Variants in CNTNAP2 observed in about 807,000 individuals in gnomAD.
CNTNAP2 encodes contactin-associated protein-like 2.
In CNTNAP2, 98 loss-of-function variants were observed where a neutral mutation model predicts 155.2. The observed-to-expected ratio is 0.63, with a 90% CI of 0.54 to 0.75. CNTNAP2 has a LOEUF of 0.75. Ranked by LOEUF, CNTNAP2 falls within the 30% of genes least tolerant of loss-of-function variation. The pLI, the probability that CNTNAP2 is intolerant of heterozygous loss-of-function variation, is 0.00. For missense variants in CNTNAP2, 1,727 were observed against 1,688.1 expected, an observed-to-expected ratio of 1.02 and a Z score of -0.40; for synonymous variants, 651 against 631.2, an observed-to-expected ratio of 1.03 and a Z score of -0.47.
chr7:146,596,595 C>CAGAGAGAGAGAGAGAGAG lies in CNTNAP2; in HGVS notation c.98-177648_98-177631dup, dbSNP rs368697909. On this transcript the variant is annotated intron_variant, in intron 1 of 23. Transcript: ENST00000361727. ...AAGAAAGAGAGAGATAGAAGGGAGA[C>CAGAGAGAGAGAGAGAGAG]AGAGAGAGAGAGAGAGAGAGAGAGA... Among the ~76,000 whole-genome samples, 52 of 105,070 alleles carry CAGAGAGAGAGAGAGAGAG rather than the reference C, an allele frequency of 4.9e-4. 1 individual carries two copies. The highest frequency in any genetic ancestry group is 7.5e-4 in the Non-Finnish European group (38 of 50,930). The allele number at this position is 105,070 out of a possible 152,430, so 68.9% of individuals were successfully genotyped here. A position where few individuals can be genotyped will look rare whatever the true frequency, so the allele number is the denominator to read the frequency against.
chr7:147,196,115 G>T (rs1003041594), intron 8 of CNTNAP2, among the ~76,000 whole-genome samples: 2 of 152,156 alleles, frequency 1.3e-5, no homozygotes, highest in African/African-American at 4.8e-5. Flanking sequence ...CATCTAAAAG[G>T]CAAGGAGAGA....
At chr7:148,172,579 G>A (rs1331211351) in intron 18 of CNTNAP2, 101 bp downstream of exon 18, 6 of 1,060,756 alleles carry the variant, frequency 5.7e-6, no homozygotes, top group Middle Eastern at 2.0e-4. Flanking sequence ...ACCTTATTCT[G>A]AGGTTAAGAT....
chr7:147,945,323 A>T (rs1039694188), intron 14 of CNTNAP2, among the ~76,000 whole-genome samples: 4 of 152,170 alleles, frequency 2.6e-5, no homozygotes, highest in Non-Finnish European at 5.9e-5. Flanking sequence ...TGATTTTTTT[A>T]AAATCAATTT....
chr7:147,700,501 A>G (rs1393820101), intron 13 of CNTNAP2, among the ~76,000 whole-genome samples: 3 of 152,150 alleles, frequency 2.0e-5, no homozygotes, highest in African/African-American at 2.4e-5. Flanking sequence ...TGTACTCACC[A>G]TTTGCCACTT....
chr7:146,466,571 CCTT>C (rs796585808), intron 1 of CNTNAP2, among the ~76,000 whole-genome samples: 9 of 152,198 alleles, frequency 5.9e-5, no homozygotes, highest in African/African-American at 2.2e-4. Context: ...AATTCCCTTT[CCTT>C]TATTCATTTG....
At chr7:148,057,563 G>A (rs1406230742) in intron 15 of CNTNAP2, among the ~76,000 whole-genome samples, 1 of 152,164 alleles carries the variant, frequency 6.6e-6, no homozygotes, top group African/African-American at 2.4e-5. Flanking sequence ...CTATGTGGAT[G>A]TAACATGATA....
At chr7:146,666,238 A>T (rs748885372) in intron 1 of CNTNAP2, among the ~76,000 whole-genome samples, 1 of 152,100 alleles carries the variant, frequency 6.6e-6, no homozygotes, top group Non-Finnish European at 1.5e-5. Context: ...TTGAGTGAGA[A>T]TATGTAGTGT....
intron 1 of CNTNAP2, among the ~76,000 whole-genome samples, chr7:146,626,452 A>G (rs1456624005): frequency 1.3e-5 from 2 of 152,112 alleles, no homozygotes; most frequent in African/African-American, 2.4e-5. Context: ...TCAAAATGGA[A>G]GTTGAAACAC....
intron 15 of CNTNAP2, among the ~76,000 whole-genome samples, chr7:148,064,638 G>C (rs1260816523): frequency 1.6e-5 from 2 of 121,412 alleles, no homozygotes; most frequent in Admixed American, 9.2e-5. Flanking sequence ...AGCAAGCTAA[G>C]AATCAGATCA....
chr7:146,241,225 G>C lies in CNTNAP2; in HGVS notation c.97+124252G>C, dbSNP rs191033279. 2.6e-5 allele frequency among the ~76,000 whole-genome samples: 4 copies of C among 152,268 alleles called. No homozygotes were observed. In the East Asian group the frequency reaches 7.7e-4, roughly 29 times the overall value. On this transcript the variant is annotated intron_variant, in intron 1 of 23. Transcript: ENST00000361727. The stretch of plus-strand genomic sequence containing the variant: ...ACACATATCCAAACTACATCAGGAG[G>C]TAAGGCATTTAGATATATGTGTAGA...
chr7:146,143,012 T>C (rs1797902190), intron 1 of CNTNAP2, among the ~76,000 whole-genome samples: 1 of 152,168 alleles, frequency 6.6e-6, no homozygotes, highest in South Asian at 2.1e-4. Flanking sequence ...AGGGAATAAA[T>C]AAAATCAAGC....
intron 1 of CNTNAP2, among the ~76,000 whole-genome samples, chr7:146,630,350 A>C (rs192967634): frequency 1.3e-5 from 2 of 152,134 alleles, no homozygotes; most frequent in African/African-American, 4.8e-5. Flanking sequence ...TCCATGGTGC[A>C]TATGTGCCAC....
At chr7:147,241,116 A>G (rs1241596401) in intron 8 of CNTNAP2, among the ~76,000 whole-genome samples, 1 of 152,218 alleles carries the variant, frequency 6.6e-6, no homozygotes, top group African/African-American at 2.4e-5. Flanking sequence ...TTGACTGCAT[A>G]GTTAGGATCA....
At chr7:146,298,149 A>G (rs1030910918) in intron 1 of CNTNAP2, among the ~76,000 whole-genome samples, 2 of 152,226 alleles carry the variant, frequency 1.3e-5, no homozygotes, top group African/African-American at 4.8e-5. Flanking sequence ...GGAGGACAAG[A>G]GAAAAAGACA....
intron 22 of CNTNAP2, among the ~76,000 whole-genome samples, chr7:148,396,078 T>A (rs1799461208): frequency 6.6e-6 from 1 of 152,190 alleles, no homozygotes. Flanking sequence ...ATGGAAATCA[T>A]TGCAGCTGTC....
intron 1 of CNTNAP2, among the ~76,000 whole-genome samples, chr7:146,136,354 A>C (rs533012033): frequency 2.6e-5 from 4 of 152,278 alleles, no homozygotes; most frequent in African/African-American, 9.6e-5. Flanking sequence ...AAGACAACTA[A>C]GGGTCAGTCT....
At chr7:148,284,108 T>C (rs190053207) in intron 21 of CNTNAP2, among the ~76,000 whole-genome samples, 65 of 152,370 alleles carry the variant, frequency 4.3e-4, no homozygotes, top group African/African-American at 1.5e-3. Context: ...TTTTATATTA[T>C]TTTGCAGTTT....
chr7:146,362,820 G>A (rs538919405), intron 1 of CNTNAP2, among the ~76,000 whole-genome samples: 7 of 145,318 alleles, frequency 4.8e-5, no homozygotes, highest in Middle Eastern at 4.1e-3. Flanking sequence ...TGCCAGACTG[G>A]AGTGCAGTGG....
intron 15 of CNTNAP2, among the ~76,000 whole-genome samples, chr7:148,087,218 T>C (rs899002393): frequency 6.6e-6 from 1 of 152,106 alleles, no homozygotes. Flanking sequence ...TGGGGCCCCA[T>C]GTTGTTAGTC....
Sources: gnomAD v4.1 joint callset for allele counts (sites outside exome capture counted in the v4.1 genomes callset) on GRCh38, gnomAD v4.1.1 for gene constraint, MANE v1.5 for transcripts, NCBI Gene and HGNC (gene_info 2026-07-23, HGNC 2026-07-21) for gene names.